Variants in SLC12A4 observed in about 807,000 individuals in gnomAD.
The protein encoded by SLC12A4 is electroneutral potassium-chloride cotransporter 1.
Under a neutral mutation model 119.2 loss-of-function variants are expected in SLC12A4, and 84 were observed. That is an observed-to-expected ratio of 0.70 (90% CI 0.59 to 0.85). SLC12A4 has a LOEUF of 0.85. Among genes scored for constraint, SLC12A4 ranks in the 40% least tolerant of loss-of-function variants. SLC12A4 has a pLI of 0.00. For missense variants in SLC12A4, 1,298 were observed against 1,476.3 expected (o/e 0.88, Z 1.98); for synonymous variants, 599 against 604.6 (o/e 0.99, Z 0.14).
rs1490768404 is a variant in SLC12A4, at chr16:67,951,147, A to G, written c.1290T>C (p.Ser430=). The change falls in exon 9 of 24, where the codon TCT becomes TCC. Residue 430 remains serine, a synonymous_variant. Transcript: ENST00000316341. The surrounding 1 kb of genome is among the most constrained non-coding windows in gnomAD (Gnocchi z 5.2). ...FTVLVGIFFP[S]VTGIMAGSNR... ...TAGGCAGGCAGGGCTCACCTGTTAC[A>G]GAAGGGAAGAAGATGCCGACCAGCA... The G allele has an allele frequency of 1.2e-6, 2 of 1,613,816 alleles. No individual in the cohort carries two copies. Among genetic ancestry groups the G allele is most frequent in the Non-Finnish European group, 1.7e-6 (2 of 1,179,892 alleles).
At chr16:67,948,009 GAATGAGGCTCCTGGCC>G in intron 14 of SLC12A4, 36 bp downstream of exon 14, 1 of 1,589,144 alleles carries the variant, frequency 6.3e-7, no homozygotes, top group Non-Finnish European at 8.6e-7. Flanking sequence ...GCCTCACCCA[GAATGAGGCTCCTGGCC>G]TCCCCAGGGT....
At chr16:67,961,213 T>C (rs538591317) in intron 3 of SLC12A4, among the ~76,000 whole-genome samples, 7 of 152,178 alleles carry the variant, frequency 4.6e-5, no homozygotes, top group South Asian at 2.1e-4. Context: ...CTGACACTAT[T>C]TCCTTGTCTG....
Position 67,968,526 on chromosome 16 carries a change from C to T in SLC12A4, c.28G>A (p.Asp10Asn). The change falls in exon 1 of 24, where the codon GAC becomes AAC. Residue 10 changes from aspartate to asparagine, a missense_variant. Transcript: ENST00000316341. The stretch of plus-strand genomic sequence containing the variant: ...TCATAGTCGCCGCGCCTCGGCCCGT[C>T]CACTGGCACCACGGTGAAGTGAGGC... MPHFTVVPV[D>N]GPRRGDYDNL... 1.7e-5 allele frequency: 27 copies of T among 1,580,922 alleles called. No individual in the cohort carries two copies. The highest frequency in any genetic ancestry group is 2.3e-5 in the Non-Finnish European group (27 of 1,168,786).
chr16:67,952,452 G>T (rs1392474953), intron 6 of SLC12A4, 27 bp from the exon 7 acceptor site: 3 of 1,608,096 alleles, frequency 1.9e-6, no homozygotes, highest in South Asian at 2.2e-5. Context: ...GATAAGGAGG[G>T]TTTTATTTCT....
chr16:67,948,300 GC>G, intron 13 of SLC12A4, 141 bp from the exon 14 acceptor site: 2 of 699,964 alleles, frequency 2.9e-6, no homozygotes, highest in Non-Finnish European at 4.9e-6. Flanking sequence ...CCTCATTGCT[GC>G]CACCTCCATG....
intron 1 of SLC12A4, among the ~76,000 whole-genome samples, chr16:67,966,326 C>T (rs2030866909): frequency 6.6e-6 from 1 of 152,268 alleles, no homozygotes. Flanking sequence ...CGGCTTCAGA[C>T]CTCCTGTTCT....
At position 67,951,648 on chromosome 16, in the gene SLC12A4, G is replaced by A; in HGVS notation, c.1132+175C>T. On this transcript the variant is annotated intron_variant, in intron 8 of 23. Coordinates refer to ENST00000316341, the MANE Select transcript of SLC12A4 (RefSeq NM_005072.5). The surrounding 1 kb of genome is among the most constrained non-coding windows in gnomAD (Gnocchi z 5.2). ...CAGGCCTTGGACGCTGGCCAGACAG[G>A]CTCCACTCACTCCAAACTCGGCTGC... 1 of 648,880 alleles carries A rather than the reference G, an allele frequency of 1.5e-6. No individual in the cohort carries two copies. Among genetic ancestry groups the A allele is most frequent in the Non-Finnish European group, 2.6e-6 (1 of 378,340 alleles). 40.2% of individuals were successfully genotyped at this position (648,880 alleles called of 1,614,324 possible).
In SLC12A4 at chr16:67,950,626, G is replaced by C. The variant is rs76360957; in HGVS notation, c.1454+28C>G. ...GAGGGCAGGCCAAAGCCCAGCCGCT[G>C]CTAAAGAGGGGGGCCCAGCTCACTC... On this transcript the variant is annotated intron_variant, in intron 11 of 23. Coordinates refer to ENST00000316341, the MANE Select transcript of SLC12A4 (RefSeq NM_005072.5). This position sits in a 1 kb window ranked among gnomAD's most constrained non-coding sequence, Gnocchi z 4.3. 4,262 of 1,610,180 alleles carry C rather than the reference G, an allele frequency of 2.6e-3. 90 individuals carry two copies. In the African/African-American group the frequency reaches 0.05, roughly 19 times the overall value.
intron 16 of SLC12A4, 101 bp downstream of exon 16, chr16:67,947,230 G>C: frequency 6.7e-7 from 1 of 1,493,802 alleles, no homozygotes; most frequent in Non-Finnish European, 9.1e-7. Flanking sequence ...AGGGTGCCCC[G>C]GGCAGCCCCA....
chr16:67,945,402 G>C lies in SLC12A4; in HGVS notation c.2999C>G (p.Pro1000Arg). 1 of 1,613,934 alleles carries C rather than the reference G, an allele frequency of 6.2e-7. No individual in the cohort carries two copies. The highest frequency in any genetic ancestry group is 8.5e-7 in the Non-Finnish European group (1 of 1,179,906). ...GTGCACCAGCTCCCGGAAATTGTCA[G>C]GGGCATGGCTGGGGTCCCAGGTCTC... Reference protein sequence around the residue: ...MTETWDPSHAPDNFRELVHIK... With the variant: ...MTETWDPSHARDNFRELVHIK... The change falls in exon 22 of 24, where the codon CCT becomes CGT. Residue 1000 changes from proline to arginine, a missense_variant. By Grantham distance (103) the Pro-to-Arg change is moderately radical. Transcript: ENST00000316341.
intron 6 of SLC12A4, among the ~76,000 whole-genome samples, 200 bp from the exon 7 acceptor site, chr16:67,952,625 G>A (rs1379407668): frequency 7.2e-6 from 1 of 138,502 alleles, no homozygotes; most frequent in Non-Finnish European, 1.6e-5. Flanking sequence ...ATGGGGAAAC[G>A]CCATCTCTAC....
chr16:67,960,437 T>C (rs1305407940), intron 3 of SLC12A4, among the ~76,000 whole-genome samples: 5 of 152,042 alleles, frequency 3.3e-5, no homozygotes. Flanking sequence ...CTCTGAAGTG[T>C]GGGCTGGTTT....
chr16:67,951,923 G>A lies in SLC12A4; in HGVS notation c.1032C>T (p.His344=), dbSNP rs768765652. 73 of 1,613,932 alleles carry A rather than the reference G, an allele frequency of 4.5e-5. No homozygotes were observed. The Admixed American group carries it at 1.2e-3, about 26-fold the overall frequency. ...AGGAGTCGGTCGTAAGGTTGGGGCT[G>A]TGGCAGAAGAAACTCCATAGCTGGG... is the stretch of plus-strand genomic sequence containing the variant. ...VATQLWSFFC[H]SPNLTTDSCD... is the part of the protein sequence containing the mutation. Residue 344 remains histidine, a synonymous_variant, in exon 8 of 24, where the codon CAC becomes CAT. Coordinates refer to ENST00000316341, the MANE Select transcript of SLC12A4 (RefSeq NM_005072.5). The surrounding 1 kb of genome is among the most constrained non-coding windows in gnomAD (Gnocchi z 5.2).
intron 1 of SLC12A4, chr16:67,964,115 C>T (rs1598232910): frequency 6.6e-7 from 1 of 1,512,958 alleles, no homozygotes; most frequent in East Asian, 2.5e-5. Flanking sequence ...GGAGGTGGGG[C>T]AAGCCCCAGG....
Position 67,951,356 on chromosome 16 carries a change from G to T in SLC12A4, c.1133-52C>A, listed in dbSNP as rs555829209. On this transcript the variant is annotated intron_variant, in intron 8 of 23. Transcript: ENST00000316341. This position sits in a 1 kb window ranked among gnomAD's most constrained non-coding sequence, Gnocchi z 5.2. ...CAGCTGCCCCCCACTACCCCAGGTAGTTTGGGGCAGCCTAGCCAGAGGCGC... is the reference window on the plus strand; with the variant it reads ...CAGCTGCCCCCCACTACCCCAGGTATTTTGGGGCAGCCTAGCCAGAGGCGC... 151 of 1,575,940 alleles carry T rather than the reference G, an allele frequency of 9.6e-5. 4 individuals carry two copies. In the South Asian group the frequency reaches 1.7e-3, roughly 18 times the overall value.
chr16:67,945,606 G>C, intron 21 of SLC12A4, 53 bp from the exon 22 acceptor site: 1 of 1,572,180 alleles, frequency 6.4e-7, no homozygotes, highest in East Asian at 2.2e-5. Context: ...GGGGGATGGG[G>C]CCTGTCTGGC....
Position 67,950,438 on chromosome 16 carries a change from G to GTGAA in SLC12A4, c.1506_1509dup (p.Pro504PhefsTer51). The GTGAA allele has an allele frequency of 6.2e-7, 1 of 1,614,022 alleles. No individual in the cohort carries two copies. The highest frequency in any genetic ancestry group is 8.5e-7 in the Non-Finnish European group (1 of 1,180,028). ...AAGGAGCCGATGACGATGACCCAGG[G>GTGAA]TGAAGGCCAGGCCAGTGTGCCCACC... On this transcript the variant is annotated frameshift_variant, in exon 12 of 24. Transcript: ENST00000316341. LOFTEE classifies it high-confidence loss of function. This position sits in a 1 kb window ranked among gnomAD's most constrained non-coding sequence, Gnocchi z 4.3.
At chr16:67,946,892 A>C in intron 17 of SLC12A4, 45 bp downstream of exon 17, 1 of 1,590,956 alleles carries the variant, frequency 6.3e-7, no homozygotes, top group East Asian at 2.2e-5. Flanking sequence ...GCTGCAGTCC[A>C]GACCCCTGTA....
intron 6 of SLC12A4, chr16:67,954,093 C>T: frequency 2.6e-6 from 1 of 377,822 alleles, no homozygotes; most frequent in South Asian, 1.8e-5. Context: ...ATGCCTCCCG[C>T]AGCTCCTTGC....
Sources: gnomAD v4.1 joint callset for allele counts (sites outside exome capture counted in the v4.1 genomes callset) on GRCh38, gnomAD v4.1.1 for gene constraint, Gnocchi (gnomAD v3.1) non-coding constraint, MANE v1.5 for transcripts, NCBI Gene and HGNC (gene_info 2026-07-23, HGNC 2026-07-21) for gene names.